DCLK3: variants seen among roughly 807,000 people sequenced by gnomAD.
The protein encoded by DCLK3 is doublecortin like kinase 3.
A neutral mutation model predicts 46.4 loss-of-function variants in DCLK3; 30 were observed. The observed-to-expected ratio is 0.65, with a 90% CI of 0.48 to 0.88. The LOEUF is 0.88. Ranked by LOEUF, DCLK3 falls within the 40% of genes least tolerant of loss-of-function variation. DCLK3 has a pLI of 0.00. For synonymous variants in DCLK3, 401 were observed against 339.2 expected (o/e 1.18, Z -2.00); for missense variants, 846 against 907.1 (o/e 0.93, Z 0.87).
At chr3:36,741,975 C>T (rs1701348617) in intron 1 of DCLK3, among the ~76,000 whole-genome samples, 1 of 152,010 alleles carries the variant, frequency 6.6e-6, no homozygotes, top group African/African-American at 2.4e-5. Context: ...CAGGGGAGAA[C>T]CAATAGGACA....
At chr3:36,755,972 A>T (rs1701481497) in intron 1 of DCLK3, among the ~76,000 whole-genome samples, 1 of 152,164 alleles carries the variant, frequency 6.6e-6, no homozygotes, top group Admixed American at 6.5e-5. Context: ...ATGAGAAGTG[A>T]CACATGGCAC....
chr3:36,742,796 A>G (rs1218254539), intron 1 of DCLK3, among the ~76,000 whole-genome samples: 2 of 152,200 alleles, frequency 1.3e-5, no homozygotes, highest in African/African-American at 4.8e-5. Flanking sequence ...TGCCTGGTCC[A>G]TGGGCAGGGA....
chr3:36,758,438 A>G (rs960611130), intron 1 of DCLK3, among the ~76,000 whole-genome samples: 5 of 152,196 alleles, frequency 3.3e-5, no homozygotes, highest in Admixed American at 2.0e-4. Flanking sequence ...GAAGTGATTA[A>G]GTCACGAGGG....
chr3:36,753,592 A>G (rs997108694), intron 1 of DCLK3, among the ~76,000 whole-genome samples: 3 of 152,256 alleles, frequency 2.0e-5, no homozygotes, highest in African/African-American at 7.2e-5. Flanking sequence ...GCAATTGGAA[A>G]AAAGCAAGTA....
Position 36,715,073 on chromosome 3 carries a change from C to A in DCLK3, c.*255G>T. On this transcript the variant is annotated 3_prime_UTR_variant, in exon 5 of 5. Transcript: ENST00000636136. ...GGGGAAGCAAAACACATCATTATTA[C>A]CAAAATTCCTCACTGATGACAATGC... is the stretch of plus-strand genomic sequence containing the variant. 1 of 436,588 alleles carries A rather than the reference C, an allele frequency of 2.3e-6. No individual in the cohort carries two copies. The highest frequency in any genetic ancestry group is 2.9e-5 in the South Asian group (1 of 33,928). The allele number at this position is 436,588 out of a possible 1,614,324, so 27.0% of individuals were successfully genotyped here.
chr3:36,752,159 C>G (rs114244533), intron 1 of DCLK3, among the ~76,000 whole-genome samples: 2,064 of 152,336 alleles, frequency 0.014, 51 homozygotes, highest in African/African-American at 0.046. Context: ...ACACATCCAA[C>G]TCTGCCTTCA....
At chr3:36,759,221 T>C (rs545793331) in intron 1 of DCLK3, among the ~76,000 whole-genome samples, 1 of 152,350 alleles carries the variant, frequency 6.6e-6, no homozygotes, top group East Asian at 1.9e-4. Flanking sequence ...ACAAGACATA[T>C]GTGGGAGAGT....
At chr3:36,756,282 C>G (rs1185048144) in intron 1 of DCLK3, among the ~76,000 whole-genome samples, 1 of 152,212 alleles carries the variant, frequency 6.6e-6, no homozygotes, top group Non-Finnish European at 1.5e-5. Context: ...TTCACCCATC[C>G]ATTCCCTTCC....
At position 36,715,436 on chromosome 3, in the gene DCLK3, G is replaced by T. The variant is rs372446395; in HGVS notation, c.2346C>A (p.Ile782=). 1.2e-6 allele frequency: 2 copies of T among 1,613,068 alleles called. No individual in the cohort carries two copies. The part of the protein sequence containing the change: ...TAHQVLQHPW[I]ETAGKTNTVK... ...CTGTATTGGTCTTGCCAGCTGTTTC[G>T]ATCCAGGGGTGCTGAAGAACCTGAT... Residue 782 remains isoleucine, a synonymous_variant, in exon 5 of 5, where the codon ATC becomes ATA. Transcript: ENST00000636136.
At position 36,715,160 on chromosome 3, in the gene DCLK3, T is replaced by A. The variant is rs1033716192; in HGVS notation, c.*168A>T. The A allele has an allele frequency of 1.3e-6, 1 of 750,712 alleles. No homozygotes were observed. The highest frequency in any genetic ancestry group is 2.0e-6 in the Non-Finnish European group (1 of 492,630). 46.5% of individuals were successfully genotyped at this position (750,712 alleles called of 1,614,324 possible). On this transcript the variant is annotated 3_prime_UTR_variant, in exon 5 of 5. Transcript: ENST00000636136. Reference sequence around the variant, plus strand: ...CAAATCTAAAAATATGTTGTGACATTTAACATTGACTTAATTTTTTTAATA... The same window carrying A: ...CAAATCTAAAAATATGTTGTGACATATAACATTGACTTAATTTTTTTAATA...
At chr3:36,718,601 G>A (rs1287548309) in intron 3 of DCLK3, among the ~76,000 whole-genome samples, 12 of 152,310 alleles carry the variant, frequency 7.9e-5, no homozygotes, top group African/African-American at 2.9e-4. Context: ...ATGTGTTCTA[G>A]TCACATGCAG....
chr3:36,756,982 G>A (rs1381884194), intron 1 of DCLK3, among the ~76,000 whole-genome samples: 1 of 151,902 alleles, frequency 6.6e-6, no homozygotes, highest in East Asian at 1.9e-4. Flanking sequence ...GAGACCAGGA[G>A]AGAGCATAAG....
At position 36,747,021 on chromosome 3, in the gene DCLK3, G is replaced by A. The variant is rs574457936; in HGVS notation, c.83-7937C>T. On this transcript the variant is annotated intron_variant, in intron 1 of 4. Coordinates refer to ENST00000636136, the MANE Select transcript of DCLK3 (RefSeq NM_001394672.2). ...TTTTGGGAGTGCAAGTTGCCTATAA[G>A]TAGTTATTTTCATAAAGTTAATAAG... Among the ~76,000 whole-genome samples, 49 of 152,276 alleles carry A rather than the reference G, an allele frequency of 3.2e-4. No homozygotes were observed. The Middle Eastern group carries it at 0.01, about 32-fold the overall frequency.
chr3:36,761,657 A>C (rs1701540993), intron 1 of DCLK3, among the ~76,000 whole-genome samples: 1 of 152,038 alleles, frequency 6.6e-6, no homozygotes, highest in African/African-American at 2.4e-5. Context: ...AGATACAATG[A>C]CCCTCCTGGA....
chr3:36,734,305 T>C (rs1701233533), intron 2 of DCLK3, among the ~76,000 whole-genome samples: 1 of 152,244 alleles, frequency 6.6e-6, no homozygotes. Context: ...TTTAGACTTC[T>C]GACATAACAA....
At chr3:36,733,851 A>T (rs537124122) in intron 2 of DCLK3, among the ~76,000 whole-genome samples, 1 of 152,338 alleles carries the variant, frequency 6.6e-6, no homozygotes, top group South Asian at 2.1e-4. Flanking sequence ...ATTTCTGTTG[A>T]TTAAAACATG....
intron 1 of DCLK3, among the ~76,000 whole-genome samples, chr3:36,750,786 C>T (rs1004084865): frequency 5.3e-5 from 8 of 152,086 alleles, no homozygotes; most frequent in East Asian, 1.9e-4. Flanking sequence ...ACAGACCTTC[C>T]GCAGATCGTG....
At chr3:36,750,307 C>T (rs1701428979) in intron 1 of DCLK3, among the ~76,000 whole-genome samples, 1 of 152,326 alleles carries the variant, frequency 6.6e-6, no homozygotes, top group South Asian at 2.1e-4. Context: ...GTCTCAAACT[C>T]CTGTCCTCAA....
At chr3:36,742,643 A>C (rs1701354767) in intron 1 of DCLK3, among the ~76,000 whole-genome samples, 1 of 152,246 alleles carries the variant, frequency 6.6e-6, no homozygotes, top group Non-Finnish European at 1.5e-5. Flanking sequence ...GCTTCAAGCT[A>C]CTGGGAAGCA....
Sources: gnomAD v4.1 joint callset for allele counts (sites outside exome capture counted in the v4.1 genomes callset) on GRCh38, gnomAD v4.1.1 for gene constraint, MANE v1.5 for transcripts, NCBI Gene and HGNC (gene_info 2026-07-23, HGNC 2026-07-21) for gene names.